The following ORMDL2 variants were observed in gnomAD, a reference collection of about 807,000 sequenced individuals.
The protein encoded by ORMDL2 is ORMDL sphingolipid biosynthesis regulator 2.
A neutral mutation model predicts 13.5 loss-of-function variants in ORMDL2; 11 were observed. The observed-to-expected ratio is 0.82, with a 90% CI of 0.51 to 1.35. The LOEUF is 1.35. ORMDL2 is among the 40% of genes most tolerant of loss of function. ORMDL2 has a pLI of 0.00. For synonymous variants in ORMDL2, 73 were observed against 76.5 expected (o/e 0.95, Z 0.24); for missense variants, 160 against 191.1 (o/e 0.84, Z 0.96).
chr12:55,818,913 C>T (rs926239173), intron 1 of ORMDL2, 86 bp from the exon 2 acceptor site: 24 of 1,152,004 alleles, frequency 2.1e-5, no homozygotes, highest in Non-Finnish European at 2.7e-5. Context: ...GGGATTGGGG[C>T]TATCTGAGAG....
In ORMDL2 at chr12:55,819,549, G is replaced by A. The variant is rs1487497924; in HGVS notation, c.326+56G>A. 3.3e-6 allele frequency: 5 copies of A among 1,530,546 alleles called. No individual in the cohort carries two copies. In the East Asian group the frequency reaches 1.1e-4, roughly 35 times the overall value. The allele number at this position is 1,530,546 out of a possible 1,614,324, so 94.8% of individuals were successfully genotyped here. On this transcript the variant is annotated intron_variant, in intron 3 of 3. Transcript: ENST00000243045. ...GGTTAGAAAGAGCTCCAAGAGCCAG[G>A]TAGAAAGGCCCATAGGGAAGCTGTT...
chr12:55,818,941 C>T, intron 1 of ORMDL2, 58 bp from the exon 2 acceptor site: 1 of 1,488,178 alleles, frequency 6.7e-7, no homozygotes, highest in Non-Finnish European at 9.3e-7. Context: ...GGAGATAGCT[C>T]AAGAGGGGTT....
In ORMDL2 at chr12:55,819,076, A is replaced by C. The variant is rs758317887; in HGVS notation, c.77A>C (p.Tyr26Ser). 1.9e-6 allele frequency: 3 copies of C among 1,614,036 alleles called. No homozygotes were observed. Among genetic ancestry groups the C allele is most frequent in the Non-Finnish European group, 2.5e-6 (3 of 1,180,014 alleles). Residue 26 changes from tyrosine (Y) to serine (S), a missense_variant, in exon 2 of 4, where the codon TAC (tyrosine) becomes TCC (serine). By Grantham distance (144) the Tyr-to-Ser change is moderately radical. Coordinates refer to ENST00000243045, the MANE Select transcript of ORMDL2 (RefSeq NM_014182.5). Reference protein sequence around the residue: ...VMNSRGIWLAYIILVGLLHMV... With the variant: ...VMNSRGIWLASIILVGLLHMV... The stretch of plus-strand genomic sequence containing the variant: ...AATAGCCGAGGCATCTGGCTGGCCT[A>C]CATCATCTTGGTAGGATTGCTGCAT...
chr12:55,818,362 C>G lies in ORMDL2; in HGVS notation c.-2+250C>G, dbSNP rs990593711. 2.8e-5 allele frequency: 8 copies of G among 288,702 alleles called. No homozygotes were observed. The East Asian group carries it at 8.0e-4, about 29-fold the overall frequency. 17.9% of individuals were successfully genotyped at this position (288,702 alleles called of 1,614,324 possible). A position where few individuals can be genotyped will look rare whatever the true frequency, so the allele number is the denominator to read the frequency against. On this transcript the variant is annotated intron_variant, in intron 1 of 3. Coordinates refer to ENST00000243045, the MANE Select transcript of ORMDL2 (RefSeq NM_014182.5). The stretch of plus-strand genomic sequence containing the variant: ...TTAGAGCTACCACAATTTTAAAGAT[C>G]CGAGTTCAGATAATCACTGCTGCCC...
Position 55,820,426 on chromosome 12 carries a change from T to TGG in ORMDL2, c.*34_*35dup. ...GGGTTTTGGGACAGCTCCATGGGCA[T>TGG]GGGGAAGGCACTGAAACAGAGGACT... On this transcript the variant is annotated 3_prime_UTR_variant, in exon 4 of 4. Transcript: ENST00000243045. 1 of 1,612,730 alleles carries TGG rather than the reference T, an allele frequency of 6.2e-7. No individual in the cohort carries two copies. Among genetic ancestry groups the TGG allele is most frequent in the Non-Finnish European group, 8.5e-7 (1 of 1,178,754 alleles).
rs1880647677 is a variant in ORMDL2, at chr12:55,820,893, C to G, written c.*498C>G. The G allele has an allele frequency of 6.4e-6, 1 of 156,410 alleles. No homozygotes were observed. The highest frequency in any genetic ancestry group is 1.4e-5 in the Non-Finnish European group (1 of 70,236). The allele number at this position is 156,410 out of a possible 1,614,324, so 9.7% of individuals were successfully genotyped here. A position where few individuals can be genotyped will look rare whatever the true frequency, so the allele number is the denominator to read the frequency against. Reference sequence around the variant, plus strand: ...CTCCTTTGGTCCAGTAGGAGGTGCCCTTCACTCTAAGCTTAACACTTAGTA... The same window carrying G: ...CTCCTTTGGTCCAGTAGGAGGTGCCGTTCACTCTAAGCTTAACACTTAGTA... On this transcript the variant is annotated 3_prime_UTR_variant, in exon 4 of 4. Transcript: ENST00000243045.
chr12:55,821,819 T>C lies in ORMDL2; in HGVS notation c.*1424T>C, dbSNP rs1880672831. 2 of 740,734 alleles carry C rather than the reference T, an allele frequency of 2.7e-6. No homozygotes were observed. The highest frequency in any genetic ancestry group is 1.8e-5 in the African/African-American group (1 of 55,298). The allele number at this position is 740,734 out of a possible 1,614,324, so 45.9% of individuals were successfully genotyped here. ...TTGCAGTAAGCTGAGATCACACCACTGCACTCCAGCTGGGCAACAGAGCAA... is the reference window on the plus strand; with the variant it reads ...TTGCAGTAAGCTGAGATCACACCACCGCACTCCAGCTGGGCAACAGAGCAA... On this transcript the variant is annotated 3_prime_UTR_variant, in exon 4 of 4. Transcript: ENST00000243045.
chr12:55,820,344 G>A lies in ORMDL2; in HGVS notation c.411G>A (p.Pro137=), dbSNP rs776670385. Residue 137 remains proline, a synonymous_variant, in exon 4 of 4, where the codon CCG becomes CCA. Transcript: ENST00000243045. ...NTASLLSVLL[P]KLPQFHGVRV... Reference sequence around the variant, plus strand: ...CCTCATTGCTAAGTGTACTGCTGCCGAAGTTGCCCCAGTTCCATGGGGTTC... The same window carrying A: ...CCTCATTGCTAAGTGTACTGCTGCCAAAGTTGCCCCAGTTCCATGGGGTTC... The A allele has an allele frequency of 7.4e-6, 12 of 1,614,150 alleles. No individual in the cohort carries two copies. Among genetic ancestry groups the A allele is most frequent in the East Asian group, 6.7e-5 (3 of 44,878 alleles).
rs375499901 is a variant in ORMDL2 at position 55,821,582 on chromosome 12, C to T, written c.*1187C>T. The T allele has an allele frequency of 1.3e-5, 2 of 156,566 alleles. No individual in the cohort carries two copies. Among genetic ancestry groups the T allele is most frequent in the Non-Finnish European group, 1.4e-5 (1 of 70,778 alleles). 9.7% of individuals were successfully genotyped at this position (156,566 alleles called of 1,614,324 possible). A position where few individuals can be genotyped will look rare whatever the true frequency, so the allele number is the denominator to read the frequency against. On this transcript the variant is annotated 3_prime_UTR_variant, in exon 4 of 4. Transcript: ENST00000243045. The stretch of plus-strand genomic sequence containing the variant: ...ACAAGATTCAGGCCGGGCACAGTGG[C>T]TTATGCCTGTAATCCAGCACTTTGG...
Position 55,818,048 on chromosome 12 carries a change from C to T in ORMDL2, c.-66C>T, listed in dbSNP as rs1241545721. 3.5e-6 allele frequency: 2 copies of T among 565,952 alleles called. No individual in the cohort carries two copies. Among genetic ancestry groups the T allele is most frequent in the African/African-American group, 3.7e-5 (2 of 53,942 alleles). The allele number at this position is 565,952 out of a possible 1,614,324, so 35.1% of individuals were successfully genotyped here. ...AGGGGCAGAAGGAGAGGCGTTACTTCCTGGAGACTTCAGGTGTGGTAGCCG... is the reference window on the plus strand; with the variant it reads ...AGGGGCAGAAGGAGAGGCGTTACTTTCTGGAGACTTCAGGTGTGGTAGCCG... On this transcript the variant is annotated 5_prime_UTR_variant, in exon 1 of 4. Transcript: ENST00000243045.
At chr12:55,818,948 G>T in intron 1 of ORMDL2, 51 bp from the exon 2 acceptor site, 6 of 1,523,252 alleles carry the variant, frequency 3.9e-6, no homozygotes, top group Non-Finnish European at 5.4e-6. Flanking sequence ...GCTCAAGAGG[G>T]GTTGAGAAAA....
rs367961035 is a variant in ORMDL2 at position 55,820,299 on chromosome 12, G to A, written c.366G>A (p.Ala122=). The change falls in exon 4 of 4, where the codon GCG becomes GCA. Residue 122 remains alanine, a synonymous_variant. Coordinates refer to ENST00000243045, the MANE Select transcript of ORMDL2 (RefSeq NM_014182.5). ...LASFYTKYDA[A]HFLINTASLL... ...GCTTCTATACCAAGTATGATGCTGC[G>A]CACTTCCTCATCAACACAGCCTCAT... The A allele has an allele frequency of 4.5e-5, 72 of 1,613,554 alleles. No individual in the cohort carries two copies. The highest frequency in any genetic ancestry group is 4.2e-4 in the South Asian group (38 of 91,062).
In ORMDL2 at chr12:55,818,056, CT is replaced by C. The variant is rs1294493046; in HGVS notation, c.-56del. 3.6e-6 allele frequency: 2 copies of C among 552,458 alleles called. No homozygotes were observed. The highest frequency in any genetic ancestry group is 9.0e-5 in the East Asian group (2 of 22,144). The allele number at this position is 552,458 out of a possible 1,614,324, so 34.2% of individuals were successfully genotyped here. On this transcript the variant is annotated 5_prime_UTR_variant, in exon 1 of 4. Transcript: ENST00000243045. Reference sequence around the variant, plus strand: ...AAGGAGAGGCGTTACTTCCTGGAGACTTCAGGTGTGGTAGCCGGCGCCGCGC... The same window carrying C: ...AAGGAGAGGCGTTACTTCCTGGAGACTCAGGTGTGGTAGCCGGCGCCGCGC...
At chr12:55,818,668 G>A in intron 1 of ORMDL2, 1 of 264,920 alleles carries the variant, frequency 3.8e-6, no homozygotes, top group Non-Finnish European at 7.3e-6. Flanking sequence ...ACCTCTTCAT[G>A]GTTATTAACT....
In ORMDL2 at chr12:55,821,636, T is replaced by C; in HGVS notation, c.*1241T>C. ...GCCAAGACGGGTGGATCACCTGAGC[T>C]CAGGAGTTCGAGACCAGCCTGGGCA... On this transcript the variant is annotated 3_prime_UTR_variant, in exon 4 of 4. Transcript: ENST00000243045. The C allele has an allele frequency of 6.2e-6, 1 of 162,008 alleles. No homozygotes were observed. The highest frequency in any genetic ancestry group is 1.3e-5 in the Non-Finnish European group (1 of 74,552). 10.0% of individuals were successfully genotyped at this position (162,008 alleles called of 1,614,324 possible). A position where few individuals can be genotyped will look rare whatever the true frequency, so the allele number is the denominator to read the frequency against.
At chr12:55,819,253 A>G (rs370984773) in intron 2 of ORMDL2, 80 bp downstream of exon 2, 5 of 1,590,250 alleles carry the variant, frequency 3.1e-6, no homozygotes, top group South Asian at 2.2e-5. Flanking sequence ...TTGTTTGGGG[A>G]TTTATGTGTT....
Position 55,818,600 on chromosome 12 carries a change from C to T in ORMDL2, c.-1-399C>T, listed in dbSNP as rs572583503. On this transcript the variant is annotated intron_variant, in intron 1 of 3. Transcript: ENST00000243045. ...CAGAGTGAGCTTTACTCTGTCATCC[C>T]TTCTTAGTGGTTCTTTGATGATTCC... 3.6e-5 allele frequency: 7 copies of T among 196,338 alleles called. No individual in the cohort carries two copies. In the South Asian group the frequency reaches 6.1e-4, roughly 17 times the overall value. The allele number at this position is 196,338 out of a possible 1,614,324, so 12.2% of individuals were successfully genotyped here.
In ORMDL2 at chr12:55,820,491, AC is replaced by A; in HGVS notation, c.*98del. The stretch of plus-strand genomic sequence containing the variant: ...TCTTATTCTCCATACTGTCTTCTAC[AC>A]CTTTAAAGCCTGAGAACTATACAAC... On this transcript the variant is annotated 3_prime_UTR_variant, in exon 4 of 4. Coordinates refer to ENST00000243045, the MANE Select transcript of ORMDL2 (RefSeq NM_014182.5). 3 of 1,383,116 alleles carry A rather than the reference AC, an allele frequency of 2.2e-6. No homozygotes were observed. Among genetic ancestry groups the A allele is most frequent in the Non-Finnish European group, 3.1e-6 (3 of 970,202 alleles). 85.7% of individuals were successfully genotyped at this position (1,383,116 alleles called of 1,614,324 possible).
Position 55,820,448 on chromosome 12 carries a change from G to A in ORMDL2, c.*53G>A, listed in dbSNP as rs761470784. 4 of 1,591,444 alleles carry A rather than the reference G, an allele frequency of 2.5e-6. No homozygotes were observed. Among genetic ancestry groups the A allele is most frequent in the East Asian group, 4.5e-5 (2 of 44,766 alleles). Reference sequence around the variant, plus strand: ...GCATGGGGAAGGCACTGAAACAGAGGACTATAAAACATCCTTCTCTTATTC... The same window carrying A: ...GCATGGGGAAGGCACTGAAACAGAGAACTATAAAACATCCTTCTCTTATTC... On this transcript the variant is annotated 3_prime_UTR_variant, in exon 4 of 4. Coordinates refer to ENST00000243045, the MANE Select transcript of ORMDL2 (RefSeq NM_014182.5).
Sources: allele counts gnomAD v4.1 joint callset, GRCh38; gene constraint gnomAD v4.1.1; transcripts MANE v1.5; gene names NCBI Gene and HGNC (gene_info 2026-07-23, HGNC 2026-07-21).